SEMA6B: variants seen among roughly 807,000 people sequenced by gnomAD.
SEMA6B encodes the protein semaphorin 6B, also known as semaphorin-6B.
A neutral mutation model predicts 78.6 loss-of-function variants in SEMA6B; 47 were observed. The ratio of observed to expected loss-of-function variants is 0.60; its 90% CI spans 0.47 to 0.76. The LOEUF is 0.76. Ranked by LOEUF, SEMA6B falls within the 30% of genes least tolerant of loss-of-function variation. SEMA6B has a pLI of 0.00. For missense variants in SEMA6B, 1,213 were observed against 1,269.9 expected, an observed-to-expected ratio of 0.96 and a Z score of 0.68; for synonymous variants, 632 against 592.2, an observed-to-expected ratio of 1.07 and a Z score of -0.98.
intron 8 of SEMA6B, 121 bp from the exon 9 acceptor site, chr19:4,554,597 A>T (rs928197416): frequency 2.7e-6 from 2 of 736,946 alleles, no homozygotes; most frequent in Non-Finnish European, 4.6e-6. Flanking sequence ...GACAATATGA[A>T]ACAGACTCAA....
chr19:4,555,421 C>A lies in SEMA6B; in HGVS notation c.562+53G>T. 6.7e-7 allele frequency: 1 copy of A among 1,490,548 alleles called. No homozygotes were observed. The highest frequency in any genetic ancestry group is 9.2e-7 in the Non-Finnish European group (1 of 1,089,522). The allele number at this position is 1,490,548 out of a possible 1,614,324, so 92.3% of individuals were successfully genotyped here. ...ACCCAGACGCTGGAGTAGAAAATGC[C>A]AGGTCTTGCCTGTGGCTGGGGCTGA... On this transcript the variant is annotated intron_variant, in intron 7 of 16. Transcript: ENST00000586582. The surrounding 1 kb of genome is among the most constrained non-coding windows in gnomAD (Gnocchi z 6.1).
chr19:4,551,732 G>C (rs1265669753), intron 10 of SEMA6B, among the ~76,000 whole-genome samples: 1 of 152,028 alleles, frequency 6.6e-6, no homozygotes, highest in South Asian at 2.1e-4. Context: ...GGGAGGCTGA[G>C]GCAGGAGAAT....
chr19:4,547,152 G>A (rs1230058952), intron 14 of SEMA6B, among the ~76,000 whole-genome samples: 1 of 150,328 alleles, frequency 6.7e-6, no homozygotes, highest in Non-Finnish European at 1.5e-5. Context: ...TTTTTTTAGA[G>A]ACAGGCTCTC....
rs1029564315 is a variant in SEMA6B, at chr19:4,557,230, G to A, written c.246-7C>T. On this transcript the variant is annotated splice_region_variant and splice_polypyrimidine_tract_variant and intron_variant, in intron 3 of 16. Coordinates refer to ENST00000586582, the MANE Select transcript of SEMA6B (RefSeq NM_032108.4). The stretch of plus-strand genomic sequence containing the variant: ...TACGCGGTAGAGGTTGTCCCTGGGG[G>A]AGGGGCATAGTTAGTGAGAACTGGG... The A allele has an allele frequency of 4.5e-6, 7 of 1,568,588 alleles. No homozygotes were observed. The highest frequency in any genetic ancestry group is 6.1e-6 in the Non-Finnish European group (7 of 1,156,642).
chr19:4,546,467 T>C lies in SEMA6B; in HGVS notation c.1604A>G (p.Asn535Ser). ...RCQQYSGCMKNCIGSQDPYCG... is the reference protein window; with the variant it reads ...RCQQYSGCMKSCIGSQDPYCG... ...GTAGGGGTCCTGACTGCCGATACAG[T>C]TCCTAGAGCAGACCAGGGACCGAAT... Residue 535 changes from asparagine to serine, a missense_variant and splice_region_variant, in exon 15 of 17, where the codon AAC becomes AGC. Physicochemically the swap from Asn to Ser is conservative, Grantham distance 46 (BLOSUM62 1). Transcript: ENST00000586582. 1.9e-6 allele frequency: 3 copies of C among 1,558,564 alleles called. No individual in the cohort carries two copies. In the South Asian group the frequency reaches 3.5e-5, roughly 18 times the overall value.
chr19:4,557,314 G>A (rs891675530), intron 3 of SEMA6B, 91 bp from the exon 4 acceptor site: 1 of 840,754 alleles, frequency 1.2e-6, no homozygotes, highest in African/African-American at 1.7e-5. Flanking sequence ...TGCACACGGG[G>A]GCATGCAGGG....
In SEMA6B at chr19:4,555,027, C is replaced by T. The variant is rs775279784; in HGVS notation, c.631G>A (p.Gly211Arg). ...AIDAVIYRSL[G>R]DRPTLRTVKH... is the part of the protein sequence containing the mutation. ...ACGGTGCGCAGGGTGGGCCTGTCCCCGAGGCTGCGGTAGATGACAGCATCA... is the reference window on the plus strand; with the variant it reads ...ACGGTGCGCAGGGTGGGCCTGTCCCTGAGGCTGCGGTAGATGACAGCATCA... The change falls in exon 8 of 17, where the codon GGG becomes AGG. Residue 211 changes from glycine to arginine, a missense_variant. Coordinates refer to ENST00000586582, the MANE Select transcript of SEMA6B (RefSeq NM_032108.4). The surrounding 1 kb of genome is among the most constrained non-coding windows in gnomAD (Gnocchi z 6.1). 6 of 1,613,892 alleles carry T rather than the reference C, an allele frequency of 3.7e-6. No homozygotes were observed. The highest frequency in any genetic ancestry group is 2.7e-5 in the African/African-American group (2 of 74,888).
At position 4,555,229 on chromosome 19, in the gene SEMA6B, CCCATCCAAGCCCCACCT is replaced by C. The variant is rs1428955790; in HGVS notation, c.563-151_563-135del. 6 of 977,282 alleles carry C rather than the reference CCCATCCAAGCCCCACCT, an allele frequency of 6.1e-6. No individual in the cohort carries two copies. Among genetic ancestry groups the C allele is most frequent in the Non-Finnish European group, 9.0e-6 (6 of 667,822 alleles). The allele number at this position is 977,282 out of a possible 1,614,324, so 60.5% of individuals were successfully genotyped here. A position where few individuals can be genotyped will look rare whatever the true frequency, so the allele number is the denominator to read the frequency against. ...CCCTGTCTCCAGGCTGAGCCCTGAT[CCCATCCAAGCCCCACCT>C]CCATCCAAGCCCTGACCTTAACTGA... On this transcript the variant is annotated intron_variant, in intron 7 of 16. Coordinates refer to ENST00000586582, the MANE Select transcript of SEMA6B (RefSeq NM_032108.4). The surrounding 1 kb of genome is among the most constrained non-coding windows in gnomAD (Gnocchi z 6.1).
chr19:4,555,708 C>T lies in SEMA6B; in HGVS notation c.472-144G>A, dbSNP rs1977450226. On this transcript the variant is annotated intron_variant, in intron 6 of 16. Transcript: ENST00000586582. The surrounding 1 kb of genome is among the most constrained non-coding windows in gnomAD (Gnocchi z 6.1). ...GGCCACTCACTTAACCTCTCAGGGC[C>T]TCAGTTTACTGATCTGTAAATGGGT... 1.4e-6 allele frequency: 1 copy of T among 720,420 alleles called. No individual in the cohort carries two copies. Among genetic ancestry groups the T allele is most frequent in the Non-Finnish European group, 2.4e-6 (1 of 420,670 alleles). 44.6% of individuals were successfully genotyped at this position (720,420 alleles called of 1,614,324 possible).
In SEMA6B at chr19:4,558,212, G is replaced by T; in HGVS notation, c.122-63C>A. 1 of 1,355,948 alleles carries T rather than the reference G, an allele frequency of 7.4e-7. No homozygotes were observed. 84.0% of individuals were successfully genotyped at this position (1,355,948 alleles called of 1,614,324 possible). On this transcript the variant is annotated intron_variant, in intron 2 of 16. Coordinates refer to ENST00000586582, the MANE Select transcript of SEMA6B (RefSeq NM_032108.4). The surrounding 1 kb of genome is among the most constrained non-coding windows in gnomAD (Gnocchi z 5.1). ...GGGGGTGAAGAGAGGGTGGCCTGAG[G>T]TCATGCCCCTTCTAGGGGTGGCTCC... is the stretch of plus-strand genomic sequence containing the variant.
chr19:4,555,215 G>T lies in SEMA6B; in HGVS notation c.563-120C>A. ...GAGCCTAGGGGAGCCCCTGTCTCCAGGCTGAGCCCTGATCCCATCCAAGCC... is the reference window on the plus strand; with the variant it reads ...GAGCCTAGGGGAGCCCCTGTCTCCATGCTGAGCCCTGATCCCATCCAAGCC... On this transcript the variant is annotated intron_variant, in intron 7 of 16. Transcript: ENST00000586582. This position sits in a 1 kb window ranked among gnomAD's most constrained non-coding sequence, Gnocchi z 6.1. The T allele has an allele frequency of 8.9e-7, 1 of 1,123,078 alleles. No individual in the cohort carries two copies. Among genetic ancestry groups the T allele is most frequent in the Non-Finnish European group, 1.3e-6 (1 of 785,158 alleles). The allele number at this position is 1,123,078 out of a possible 1,614,324, so 69.6% of individuals were successfully genotyped here.
intron 14 of SEMA6B, 78 bp downstream of exon 14, chr19:4,547,949 G>T: frequency 1.4e-6 from 2 of 1,446,930 alleles, no homozygotes; most frequent in South Asian, 1.4e-5. Context: ...TTGGGCTTTT[G>T]ACTGGAACCC....
chr19:4,543,993 G>T lies in SEMA6B; in HGVS notation c.2275C>A (p.Pro759Thr), dbSNP rs952387238. Reference sequence around the variant, plus strand: ...TCCCCAGGCGCGGGGGGCTGCTCGGGGGCCCGGGCGGGCGCCAGCAGCAGG... The same window carrying T: ...TCCCCAGGCGCGGGGGGCTGCTCGGTGGCCCGGGCGGGCGCCAGCAGCAGG... The part of the protein sequence containing the change: ...SLLLLAPARA[P>T]EQPPAPGEPT... The change falls in exon 17 of 17, where the codon CCC (proline) becomes ACC (threonine). Residue 759 changes from proline (P) to threonine (T), a missense_variant. Transcript: ENST00000586582. 50 of 1,207,506 alleles carry T rather than the reference G, an allele frequency of 4.1e-5. No homozygotes were observed. Among genetic ancestry groups the T allele is most frequent in the Non-Finnish European group, 4.7e-5 (46 of 972,746 alleles). 74.8% of individuals were successfully genotyped at this position (1,207,506 alleles called of 1,614,324 possible).
chr19:4,544,213 C>T lies in SEMA6B; in HGVS notation c.2055G>A (p.Met685Ile). ...GCGTGGCCTTGGCCCAGCCGTTCTG[C>T]ATCAGGGGCGCCAGCAGGGCCTCCG... Reference protein sequence around the residue: ...VPPEALLAPLMQNGWAKATLL... With the variant: ...VPPEALLAPLIQNGWAKATLL... Residue 685 changes from methionine (M) to isoleucine (I), a missense_variant, in exon 17 of 17, where the codon ATG (methionine) becomes ATA (isoleucine). Coordinates refer to ENST00000586582, the MANE Select transcript of SEMA6B (RefSeq NM_032108.4). This position sits in a 1 kb window ranked among gnomAD's most constrained non-coding sequence, Gnocchi z 5.1. 1 of 1,275,432 alleles carries T rather than the reference C, an allele frequency of 7.8e-7. No homozygotes were observed. Among genetic ancestry groups the T allele is most frequent in the Middle Eastern group, 2.8e-4 (1 of 3,610 alleles). The allele number at this position is 1,275,432 out of a possible 1,614,324, so 79.0% of individuals were successfully genotyped here.
chr19:4,555,605 C>T lies in SEMA6B; in HGVS notation c.472-41G>A. The T allele has an allele frequency of 6.5e-7, 1 of 1,542,654 alleles. No individual in the cohort carries two copies. The highest frequency in any genetic ancestry group is 8.9e-7 in the Non-Finnish European group (1 of 1,122,120). On this transcript the variant is annotated intron_variant, in intron 6 of 16. Coordinates refer to ENST00000586582, the MANE Select transcript of SEMA6B (RefSeq NM_032108.4). This position sits in a 1 kb window ranked among gnomAD's most constrained non-coding sequence, Gnocchi z 6.1. ...GGCCTGAGTGACAGATCTCCTGACC[C>T]CACCTAGCAGCCCCTGGCTCCCTCA...
At position 4,544,281 on chromosome 19, in the gene SEMA6B, C is replaced by T. The variant is rs1355448949; in HGVS notation, c.1987G>A (p.Gly663Arg). 26 of 1,392,040 alleles carry T rather than the reference C, an allele frequency of 1.9e-5. No individual in the cohort carries two copies. The highest frequency in any genetic ancestry group is 2.3e-5 in the Non-Finnish European group (25 of 1,079,072). 86.2% of individuals were successfully genotyped at this position (1,392,040 alleles called of 1,614,324 possible). A position where few individuals can be genotyped will look rare whatever the true frequency, so the allele number is the denominator to read the frequency against. ...CCGCCACCGCCTCCGCCCCGGCCCC[C>T]GGGACCCTGCGCCCTGCGCTCGCCC... ...RLGERRAQGPGGRGGGGGGGA... is the reference protein window; with the variant it reads ...RLGERRAQGPRGRGGGGGGGA... Residue 663 changes from glycine to arginine, a missense_variant, in exon 17 of 17, where the codon GGG (glycine) becomes AGG (arginine). By Grantham distance (125) the Gly-to-Arg change is moderately radical. Coordinates refer to ENST00000586582, the MANE Select transcript of SEMA6B (RefSeq NM_032108.4). This position sits in a 1 kb window ranked among gnomAD's most constrained non-coding sequence, Gnocchi z 5.1.
In SEMA6B at chr19:4,556,053, G is replaced by A. The variant is rs1395057281; in HGVS notation, c.406C>T (p.Arg136Trp). The change falls in exon 6 of 17, where the codon CGG becomes TGG. Residue 136 changes from arginine to tryptophan, a missense_variant. Physicochemically the swap from Arg to Trp is moderately radical, Grantham distance 101. Coordinates refer to ENST00000586582, the MANE Select transcript of SEMA6B (RefSeq NM_032108.4). ...CACACAAAGAGCGTGGACTCGTCCC[G>A]AAGGAGCAGCACCTTTACGAAGTTT... ...CRNFVKVLLL[R>W]DESTLFVCGS... is the part of the protein sequence containing the mutation. 3 of 1,614,126 alleles carry A rather than the reference G, an allele frequency of 1.9e-6. No homozygotes were observed. The highest frequency in any genetic ancestry group is 1.1e-5 in the South Asian group (1 of 91,088).
chr19:4,558,240 G>A lies in SEMA6B; in HGVS notation c.122-91C>T. Reference sequence around the variant, plus strand: ...ATGCCCCTTCTAGGGGTGGCTCCTGGACTGCTTGAGTCCCCCAGTGGGGGC... The same window carrying A: ...ATGCCCCTTCTAGGGGTGGCTCCTGAACTGCTTGAGTCCCCCAGTGGGGGC... On this transcript the variant is annotated intron_variant, in intron 2 of 16. Transcript: ENST00000586582. The surrounding 1 kb of genome is among the most constrained non-coding windows in gnomAD (Gnocchi z 5.1). 1 of 1,314,310 alleles carries A rather than the reference G, an allele frequency of 7.6e-7. No homozygotes were observed. Among genetic ancestry groups the A allele is most frequent in the Non-Finnish European group, 9.8e-7 (1 of 1,021,194 alleles). 81.4% of individuals were successfully genotyped at this position (1,314,310 alleles called of 1,614,324 possible).
Position 4,555,949 on chromosome 19 carries a change from G to T in SEMA6B, c.471+39C>A. 6.6e-7 allele frequency: 1 copy of T among 1,514,480 alleles called. No homozygotes were observed. The highest frequency in any genetic ancestry group is 9.2e-7 in the Non-Finnish European group (1 of 1,089,384). The allele number at this position is 1,514,480 out of a possible 1,614,324, so 93.8% of individuals were successfully genotyped here. A position where few individuals can be genotyped will look rare whatever the true frequency, so the allele number is the denominator to read the frequency against. The stretch of plus-strand genomic sequence containing the variant: ...GCGGAGGTCGGGCGAGCAGAGGCCT[G>T]GAGGTTGGACCTGGGGCGCAGGGAG... On this transcript the variant is annotated intron_variant, in intron 6 of 16. Transcript: ENST00000586582. This position sits in a 1 kb window ranked among gnomAD's most constrained non-coding sequence, Gnocchi z 6.1.
Sources: gnomAD v4.1 joint callset for allele counts (sites outside exome capture counted in the v4.1 genomes callset) on GRCh38, gnomAD v4.1.1 for gene constraint, Gnocchi (gnomAD v3.1) non-coding constraint, MANE v1.5 for transcripts, NCBI Gene and HGNC (gene_info 2026-07-23, HGNC 2026-07-21) for gene names.